The following TMEM117 variants were observed in gnomAD, a reference collection of about 807,000 sequenced individuals.
TMEM117 encodes the protein transmembrane protein 117.
Under a neutral mutation model 52.4 loss-of-function variants are expected in TMEM117, and 27 were observed. The ratio of observed to expected loss-of-function variants is 0.51; its 90% CI spans 0.38 to 0.71. The LOEUF (loss-of-function observed/expected upper bound fraction) is 0.71. TMEM117 is among the 30% of genes least tolerant of loss of function. TMEM117 has a pLI of 0.00. For synonymous variants in TMEM117, 215 were observed against 206.3 expected, an observed-to-expected ratio of 1.04 and a Z score of -0.36; for missense variants, 556 against 630.5, an observed-to-expected ratio of 0.88 and a Z score of 1.26.
At chr12:44,124,526 A>G (rs906705899) in intron 3 of TMEM117, among the ~76,000 whole-genome samples, 1 of 152,114 alleles carries the variant, frequency 6.6e-6, no homozygotes, top group Non-Finnish European at 1.5e-5. Flanking sequence ...TCAGTATGAT[A>G]TTGGCTGTGG....
intron 5 of TMEM117, among the ~76,000 whole-genome samples, chr12:44,264,828 T>C (rs1364181455): frequency 6.6e-6 from 1 of 152,140 alleles, no homozygotes; most frequent in Non-Finnish European, 1.5e-5. Flanking sequence ...TAATAATAAC[T>C]AGCATATACT....
At chr12:44,147,947 A>G (rs1393999337) in intron 4 of TMEM117, among the ~76,000 whole-genome samples, 1 of 151,860 alleles carries the variant, frequency 6.6e-6, no homozygotes, top group East Asian at 1.9e-4. Flanking sequence ...AAAAAAAAAA[A>G]AGAAAAAGAA....
chr12:43,969,117 A>G (rs1850142147), intron 3 of TMEM117, among the ~76,000 whole-genome samples: 1 of 152,088 alleles, frequency 6.6e-6, no homozygotes, highest in Admixed American at 6.5e-5. Context: ...ACTTTACAGA[A>G]TGAAGTAGAA....
chr12:43,953,916 C>T (rs927263956), intron 3 of TMEM117, among the ~76,000 whole-genome samples: 1 of 152,134 alleles, frequency 6.6e-6, no homozygotes, highest in African/African-American at 2.4e-5. Flanking sequence ...TAAAACACTC[C>T]TCAGCAAATG....
intron 5 of TMEM117, among the ~76,000 whole-genome samples, chr12:44,245,275 A>T (rs1292395370): frequency 1.3e-5 from 2 of 151,786 alleles, no homozygotes; most frequent in East Asian, 3.9e-4. Flanking sequence ...TTGACTCTGT[A>T]GATTGTTTTG....
chr12:44,205,741 A>T (rs907945882), intron 4 of TMEM117, among the ~76,000 whole-genome samples: 2 of 152,212 alleles, frequency 1.3e-5, no homozygotes, highest in Non-Finnish European at 2.9e-5. Flanking sequence ...TAGAATGGCT[A>T]TTAAAAAGAA....
At chr12:44,048,588 T>C (rs1469966248) in intron 3 of TMEM117, among the ~76,000 whole-genome samples, 1 of 152,228 alleles carries the variant, frequency 6.6e-6, no homozygotes, top group African/African-American at 2.4e-5. Flanking sequence ...TGGATCAAAA[T>C]GGTTTGCAGT....
chr12:43,865,862 A>G (rs112520393), intron 2 of TMEM117, among the ~76,000 whole-genome samples: 7 of 151,974 alleles, frequency 4.6e-5, no homozygotes, highest in African/African-American at 1.5e-4. Flanking sequence ...GCCAATAATT[A>G]ATAATAATTA....
At chr12:44,038,937 G>T (rs1046709291) in intron 3 of TMEM117, among the ~76,000 whole-genome samples, 9 of 152,236 alleles carry the variant, frequency 5.9e-5, no homozygotes, top group African/African-American at 2.2e-4. Flanking sequence ...TCAATTCATG[G>T]TTACTCTTAT....
intron 5 of TMEM117, among the ~76,000 whole-genome samples, chr12:44,260,285 A>G (rs536822577): frequency 3.9e-5 from 6 of 152,124 alleles, no homozygotes; most frequent in African/African-American, 1.4e-4. Flanking sequence ...TGTCTTACAG[A>G]CTCACTTGTG....
intron 1 of TMEM117, among the ~76,000 whole-genome samples, chr12:43,838,887 G>C (rs1943074620): frequency 6.6e-6 from 1 of 152,020 alleles, no homozygotes; most frequent in Non-Finnish European, 1.5e-5. Flanking sequence ...AGAATACATG[G>C]ATAGTGATTT....
chr12:44,023,225 TGTTGGACATTTGG>T (rs1422427192), intron 3 of TMEM117, among the ~76,000 whole-genome samples: 3 of 152,232 alleles, frequency 2.0e-5, no homozygotes, highest in Admixed American at 2.0e-4. Context: ...AGTCTATCGT[TGTTGGACATTTGG>T]GTTGGTTCCA....
chr12:44,170,358 G>A (rs1033425429), intron 4 of TMEM117, among the ~76,000 whole-genome samples: 4 of 151,796 alleles, frequency 2.6e-5, no homozygotes, highest in Non-Finnish European at 5.9e-5. Flanking sequence ...AGGAGTTAAC[G>A]GGTGCAGCAC....
At chr12:43,819,408 G>T in the TMEM117 span, among the ~76,000 whole-genome samples, 1 of 152,170 alleles carries the variant, frequency 6.6e-6, no homozygotes, top group South Asian at 2.1e-4. Flanking sequence ...TTCCCCTTAT[G>T]GTATTTCAGA....
At chr12:44,025,849 T>A (rs1024948292) in intron 3 of TMEM117, among the ~76,000 whole-genome samples, 2 of 152,196 alleles carry the variant, frequency 1.3e-5, no homozygotes, top group African/African-American at 4.8e-5. Flanking sequence ...ACAGCTACAA[T>A]TCTTGACGAA....
chr12:44,266,732 G>T (rs1433752951), intron 5 of TMEM117, among the ~76,000 whole-genome samples: 1 of 152,056 alleles, frequency 6.6e-6, no homozygotes, highest in Admixed American at 6.6e-5. Flanking sequence ...ATTTCTTCAT[G>T]AGTTTTATAG....
chr12:43,864,239 C>T (rs944887060), intron 2 of TMEM117, among the ~76,000 whole-genome samples: 1 of 152,224 alleles, frequency 6.6e-6, no homozygotes, highest in African/African-American at 2.4e-5. Flanking sequence ...CCCCCTGCTT[C>T]ATGGCACCCA....
chr12:44,203,811 G>A (rs2138376518), intron 4 of TMEM117, among the ~76,000 whole-genome samples: 1 of 152,282 alleles, frequency 6.6e-6, no homozygotes, highest in South Asian at 2.1e-4. Flanking sequence ...TGGTTTGAGA[G>A]TGTAGTTGGT....
chr12:44,055,027 T>G (rs1314089166), intron 3 of TMEM117, among the ~76,000 whole-genome samples: 1 of 152,196 alleles, frequency 6.6e-6, no homozygotes, highest in Non-Finnish European at 1.5e-5. Context: ...ACTCAGAATT[T>G]TTTAGATTTA....
Sources: gnomAD v4.1 joint callset for allele counts (sites outside exome capture counted in the v4.1 genomes callset) on GRCh38, gnomAD v4.1.1 for gene constraint, MANE v1.5 for transcripts, NCBI Gene and HGNC (gene_info 2026-07-23, HGNC 2026-07-21) for gene names.